KLF12: variants seen among roughly 807,000 people sequenced by gnomAD.
The protein encoded by KLF12 is Krueppel-like factor 12.
A neutral mutation model predicts 37.8 loss-of-function variants in KLF12; 9 were observed. That is an observed-to-expected ratio of 0.24 (90% CI 0.14 to 0.42). The LOEUF (loss-of-function observed/expected upper bound fraction) is 0.42. Ranked by LOEUF, KLF12 falls within the 10% of genes least tolerant of loss-of-function variation. KLF12 has a pLI of 1.00. For synonymous variants in KLF12, 208 were observed against 202.1 expected (o/e 1.03, Z -0.25); for missense variants, 411 against 516.0 (o/e 0.80, Z 1.97).
At chr13:74,122,875 C>T (rs376978111) in intron 1 of KLF12, among the ~76,000 whole-genome samples, 15 of 147,774 alleles carry the variant, frequency 1.0e-4, no homozygotes, top group Admixed American at 4.1e-4. Flanking sequence ...GACACATAAT[C>T]GTGCTAAAAA....
chr13:74,067,989 C>G (rs779055962), intron 1 of KLF12, among the ~76,000 whole-genome samples: 1 of 152,146 alleles, frequency 6.6e-6, no homozygotes, highest in Non-Finnish European at 1.5e-5. Context: ...CCAGATTAAC[C>G]AATGAGCTCC....
At chr13:73,825,616 G>A (rs1056524087) in intron 4 of KLF12, among the ~76,000 whole-genome samples, 2 of 152,190 alleles carry the variant, frequency 1.3e-5, no homozygotes, top group African/African-American at 4.8e-5. Context: ...GCAAATTTCT[G>A]ATAAATTGCA....
chr13:74,039,519 G>C (rs1247189723), intron 1 of KLF12, among the ~76,000 whole-genome samples: 3 of 151,922 alleles, frequency 2.0e-5, no homozygotes, highest in African/African-American at 7.3e-5. Flanking sequence ...AACACAACGA[G>C]ACCCCATCTC....
chr13:73,741,252 T>G (rs113428905), intron 6 of KLF12, among the ~76,000 whole-genome samples: 2,813 of 152,214 alleles, frequency 0.018, 72 homozygotes, highest in African/African-American at 0.061. Flanking sequence ...GAAGCACGAC[T>G]GGAAAGCTCA....
chr13:74,223,756 G>C, the KLF12 span, among the ~76,000 whole-genome samples: 1 of 152,048 alleles, frequency 6.6e-6, no homozygotes, highest in Admixed American at 6.6e-5. Context: ...TTCAACTTTG[G>C]AGTTTTGCCT....
At chr13:73,977,801 T>C (rs1891574982) in intron 2 of KLF12, among the ~76,000 whole-genome samples, 1 of 152,148 alleles carries the variant, frequency 6.6e-6, no homozygotes, top group Admixed American at 6.5e-5. Context: ...AGAACAGAGT[T>C]CAGAAATAGA....
chr13:73,707,745 T>A (rs1875058830), intron 7 of KLF12, among the ~76,000 whole-genome samples: 1 of 152,174 alleles, frequency 6.6e-6, no homozygotes, highest in African/African-American at 2.4e-5. Context: ...GCCACCAGGA[T>A]GCACAGCTGT....
chr13:74,004,960 C>T (rs961738984), intron 1 of KLF12, among the ~76,000 whole-genome samples: 5 of 151,054 alleles, frequency 3.3e-5, no homozygotes, highest in Non-Finnish European at 5.9e-5. Context: ...GGGAATTTAA[C>T]TTTCACTTCA....
the KLF12 span, among the ~76,000 whole-genome samples, chr13:74,157,947 C>T: frequency 1.3e-5 from 2 of 152,208 alleles, no homozygotes; most frequent in Non-Finnish European, 2.9e-5. Flanking sequence ...CCTCCTCAGT[C>T]TTGTATTCAA....
At chr13:73,712,338 C>CAAAAAAAAAAAAAAAAAAAAAAAA (rs752694466) in intron 7 of KLF12, among the ~76,000 whole-genome samples, 1 of 42,058 alleles carries the variant, frequency 2.4e-5, no homozygotes, top group Admixed American at 2.7e-4. Context: ...AACTCCATGT[C>CAAAAAAAAAAAAAAAAAAAAAAAA]AAAAAAAAAA....
At chr13:74,005,772 G>C (rs943112978) in intron 1 of KLF12, among the ~76,000 whole-genome samples, 5 of 152,174 alleles carry the variant, frequency 3.3e-5, no homozygotes, top group African/African-American at 1.2e-4. Flanking sequence ...GGCAATCTTT[G>C]TCCAAAACAT....
chr13:74,120,438 T>A (rs1286029289), intron 1 of KLF12, among the ~76,000 whole-genome samples: 3 of 152,048 alleles, frequency 2.0e-5, no homozygotes, highest in African/African-American at 7.2e-5. Flanking sequence ...TGAGGCTGCG[T>A]CACTGCACTC....
At chr13:74,111,673 A>G (rs1012874790) in intron 1 of KLF12, among the ~76,000 whole-genome samples, 6 of 152,030 alleles carry the variant, frequency 3.9e-5, no homozygotes, top group South Asian at 4.1e-4. Flanking sequence ...AAGTGTCTTT[A>G]AAAATTCAAT....
In KLF12 at chr13:73,686,573, C is replaced by A. The variant is rs147641451; in HGVS notation, c.*8917G>T. 214 of 152,744 alleles carry A rather than the reference C, an allele frequency of 1.4e-3. 1 individual carries two copies. The highest frequency in any genetic ancestry group is 4.7e-3 in the African/African-American group (195 of 41,580). The allele number at this position is 152,744 out of a possible 1,614,324, so 9.5% of individuals were successfully genotyped here. On this transcript the variant is annotated 3_prime_UTR_variant, in exon 8 of 8. Coordinates refer to ENST00000377669, the MANE Select transcript of KLF12 (RefSeq NM_007249.5). Reference sequence around the variant, plus strand: ...AAATAAATTCATTTGCAATTAAAATCCTGAACAGAAAACCAAATGAAGATT... The same window carrying A: ...AAATAAATTCATTTGCAATTAAAATACTGAACAGAAAACCAAATGAAGATT...
At chr13:74,209,616 C>A in the KLF12 span, among the ~76,000 whole-genome samples, 2 of 151,898 alleles carry the variant, frequency 1.3e-5, no homozygotes, top group East Asian at 1.9e-4. Flanking sequence ...CCAGGTCCAC[C>A]TCTTACTAGC....
chr13:73,753,149 C>T (rs11839075), intron 6 of KLF12, among the ~76,000 whole-genome samples: 10,140 of 152,158 alleles, frequency 0.067, 412 homozygotes, highest in Non-Finnish European at 0.089. Context: ...AAGTCATCCG[C>T]GGTCCCCGTC....
chr13:74,011,041 C>T (rs985565385), intron 1 of KLF12, among the ~76,000 whole-genome samples: 36 of 152,070 alleles, frequency 2.4e-4, no homozygotes, highest in African/African-American at 7.5e-4. Context: ...CTACTCTCTC[C>T]TTTTTATTGC....
At chr13:73,758,620 A>C (rs921331980) in intron 6 of KLF12, among the ~76,000 whole-genome samples, 5 of 152,296 alleles carry the variant, frequency 3.3e-5, no homozygotes, top group African/African-American at 1.2e-4. Flanking sequence ...TCTGAGCCGC[A>C]GGTTGATAAA....
At chr13:73,962,781 A>C (rs1891059175) in intron 2 of KLF12, among the ~76,000 whole-genome samples, 1 of 152,216 alleles carries the variant, frequency 6.6e-6, no homozygotes, top group African/African-American at 2.4e-5. Context: ...CAATTCGATA[A>C]TGCATTTCCT....
Sources: allele counts gnomAD v4.1 joint callset (sites outside exome capture counted in the v4.1 genomes callset), GRCh38; gene constraint gnomAD v4.1.1; transcripts MANE v1.5; gene names NCBI Gene and HGNC (gene_info 2026-07-23, HGNC 2026-07-21).